The following MAGI1 variants were observed in gnomAD, a reference collection of about 807,000 sequenced individuals.
The protein encoded by MAGI1 is membrane associated guanylate kinase, WW and PDZ domain containing 1, also known as membrane-associated guanylate kinase, WW and PDZ domain-containing protein 1.
A neutral mutation model predicts 139.9 loss-of-function variants in MAGI1; 58 were observed. That is an observed-to-expected ratio of 0.41 (90% CI 0.34 to 0.52). MAGI1 has a LOEUF of 0.52. Among genes scored for constraint, MAGI1 ranks in the 20% least tolerant of loss-of-function variants. MAGI1 has a pLI of 0.12. For missense variants in MAGI1, 1,874 were observed against 1,901.6 expected (o/e 0.99, Z 0.27); for synonymous variants, 812 against 737.9 (o/e 1.10, Z -1.63).
In MAGI1 at chr3:65,456,768, G is replaced by GAA. The variant is rs1056015945; in HGVS notation, c.960-3430_960-3429dup. 3.9e-5 allele frequency among the ~76,000 whole-genome samples: 6 copies of GAA among 152,236 alleles called. No individual in the cohort carries two copies. The South Asian group carries it at 1.2e-3, about 32-fold the overall frequency. ...TCCACTTGCTCTTGGACCATTTACT[G>GAA]AAAAGGCTATCTGCCCTCCATTGGA... On this transcript the variant is annotated intron_variant, in intron 5 of 22. Coordinates refer to ENST00000402939, the MANE Select transcript of MAGI1 (RefSeq NM_001033057.2).
intron 12 of MAGI1, among the ~76,000 whole-genome samples, chr3:65,408,911 C>T (rs953792077): frequency 3.9e-5 from 6 of 152,164 alleles, no homozygotes; most frequent in Admixed American, 1.3e-4. Flanking sequence ...GCTTTCACAG[C>T]GCTCACATTC....
At chr3:65,940,720 G>C (rs1394938499) in intron 1 of MAGI1, among the ~76,000 whole-genome samples, 1 of 152,102 alleles carries the variant, frequency 6.6e-6, no homozygotes, top group African/African-American at 2.4e-5. Flanking sequence ...TGAATTTTAT[G>C]GAACTACTAC....
chr3:66,013,696 G>A (rs1164490791), intron 1 of MAGI1, among the ~76,000 whole-genome samples: 1 of 150,844 alleles, frequency 6.6e-6, no homozygotes, highest in Admixed American at 6.6e-5. Flanking sequence ...AGGACGTGAG[G>A]CTTGCAGTGA....
At chr3:65,785,304 G>C (rs1345637156) in intron 1 of MAGI1, among the ~76,000 whole-genome samples, 1 of 152,146 alleles carries the variant, frequency 6.6e-6, no homozygotes, top group Non-Finnish European at 1.5e-5. Context: ...CTAACATACA[G>C]GGGTCCTATT....
intron 1 of MAGI1, among the ~76,000 whole-genome samples, chr3:65,970,255 CTA>C (rs1332770426): frequency 6.6e-6 from 1 of 152,120 alleles, no homozygotes; most frequent in Admixed American, 6.5e-5. Context: ...GACAAATACT[CTA>C]TGAGTCCACT....
intron 2 of MAGI1, among the ~76,000 whole-genome samples, chr3:65,549,103 G>A (rs371752403): frequency 3.5e-4 from 54 of 152,208 alleles, no homozygotes; most frequent in African/African-American, 1.2e-3. Flanking sequence ...CCTGCGCTCC[G>A]GGGCGCGGGC....
At chr3:65,899,083 C>A (rs1323434314) in intron 1 of MAGI1, among the ~76,000 whole-genome samples, 2 of 152,102 alleles carry the variant, frequency 1.3e-5, no homozygotes, top group African/African-American at 4.8e-5. Context: ...CACCACCACG[C>A]TCAGCTAATT....
chr3:65,378,028 A>G (rs901817979), intron 17 of MAGI1, among the ~76,000 whole-genome samples: 67 of 152,344 alleles, frequency 4.4e-4, no homozygotes, highest in African/African-American at 1.6e-3. Context: ...TGAAAAGCCC[A>G]CACAGCCTGC....
intron 1 of MAGI1, among the ~76,000 whole-genome samples, chr3:65,679,866 C>T (rs1013880823): frequency 3.3e-5 from 5 of 152,208 alleles, no homozygotes. Context: ...ACAGTACTCT[C>T]GGTCTTGCAT....
At chr3:65,642,692 C>T (rs988201741) in intron 1 of MAGI1, among the ~76,000 whole-genome samples, 1 of 152,116 alleles carries the variant, frequency 6.6e-6, no homozygotes, top group Non-Finnish European at 1.5e-5. Context: ...TTAACATTTG[C>T]TTTTCTCCCC....
At chr3:65,494,298 G>A (rs1337650307) in intron 2 of MAGI1, among the ~76,000 whole-genome samples, 1 of 152,110 alleles carries the variant, frequency 6.6e-6, no homozygotes, top group African/African-American at 2.4e-5. Flanking sequence ...GCATTAATCT[G>A]GTCATCTTCT....
intron 2 of MAGI1, among the ~76,000 whole-genome samples, chr3:65,522,305 C>T (rs1403883973): frequency 1.3e-5 from 2 of 152,196 alleles, no homozygotes; most frequent in Non-Finnish European, 2.9e-5. Context: ...ACTCTTTCTT[C>T]ACGGAGCATT....
chr3:65,844,186 G>T (rs1050544896), intron 1 of MAGI1: 2 of 512,356 alleles, frequency 3.9e-6, no homozygotes, highest in South Asian at 1.4e-5. Flanking sequence ...AAAATGCAGA[G>T]AGTCATGCTG....
intron 6 of MAGI1, among the ~76,000 whole-genome samples, chr3:65,450,311 GAGAGTGAAA>G (rs1948953347): frequency 6.6e-6 from 1 of 152,154 alleles, no homozygotes; most frequent in Non-Finnish European, 1.5e-5. Flanking sequence ...ACATAAAAAG[GAGAGTGAAA>G]AGAGTCTGTA....
At chr3:65,951,598 T>C (rs2063866693) in intron 1 of MAGI1, among the ~76,000 whole-genome samples, 1 of 152,220 alleles carries the variant, frequency 6.6e-6, no homozygotes, top group African/African-American at 2.4e-5. Context: ...TTGAATAAAA[T>C]GTATTATTAA....
intron 1 of MAGI1, among the ~76,000 whole-genome samples, chr3:65,884,254 G>T (rs1041514382): frequency 2.0e-5 from 3 of 151,800 alleles, no homozygotes; most frequent in Non-Finnish European, 2.9e-5. Context: ...CCTTTTCTTA[G>T]ATACAACAAG....
intron 1 of MAGI1, among the ~76,000 whole-genome samples, chr3:65,747,767 C>T (rs559309085): frequency 9.2e-5 from 14 of 152,200 alleles, no homozygotes; most frequent in South Asian, 4.2e-4. Flanking sequence ...CTACTTTCTG[C>T]GCCATCTTCC....
chr3:65,977,636 G>C (rs146454348), intron 1 of MAGI1, among the ~76,000 whole-genome samples: 1 of 150,640 alleles, frequency 6.6e-6, no homozygotes, highest in Non-Finnish European at 1.5e-5. Flanking sequence ...ACTTGAACCC[G>C]GGTGGCAGAG....
intron 3 of MAGI1, among the ~76,000 whole-genome samples, chr3:65,492,016 G>T (rs1264254086): frequency 6.6e-6 from 1 of 152,164 alleles, no homozygotes; most frequent in Non-Finnish European, 1.5e-5. Flanking sequence ...GTTAGTCACT[G>T]TAACAGAAGC....
Sources: gnomAD v4.1 joint callset for allele counts (sites outside exome capture counted in the v4.1 genomes callset) on GRCh38, gnomAD v4.1.1 for gene constraint, MANE v1.5 for transcripts, NCBI Gene and HGNC (gene_info 2026-07-23, HGNC 2026-07-21) for gene names.